Variants in NETO2 observed in about 807,000 individuals in gnomAD.
NETO2 encodes the protein neuropilin and tolloid like 2.
NETO2 carries 28 observed loss-of-function variants against 62.5 expected under a neutral mutation model. That is an observed-to-expected ratio of 0.45 (90% CI 0.33 to 0.61). The LOEUF (loss-of-function observed/expected upper bound fraction) is 0.61. NETO2 is among the 20% of genes least tolerant of loss of function. The pLI, the probability that NETO2 is intolerant of heterozygous loss-of-function variation, is 0.02. For synonymous variants in NETO2, 214 were observed against 219.1 expected, an observed-to-expected ratio of 0.98 and a Z score of 0.21; for missense variants, 548 against 643.2, an observed-to-expected ratio of 0.85 and a Z score of 1.60.
At chr16:47,115,567 G>A (rs1016134884) in intron 6 of NETO2, among the ~76,000 whole-genome samples, 2 of 148,876 alleles carry the variant, frequency 1.3e-5, no homozygotes, top group African/African-American at 5.0e-5. Context: ...TCAGTTTGTT[G>A]TCCAGGCTGG....
intron 6 of NETO2, among the ~76,000 whole-genome samples, chr16:47,116,590 T>C (rs1236221510): frequency 6.6e-6 from 1 of 152,218 alleles, no homozygotes; most frequent in Non-Finnish European, 1.5e-5. Context: ...TTCCTTATAA[T>C]GTCTCTTTGT....
At chr16:47,094,170 G>A (rs1254030427) in intron 7 of NETO2, among the ~76,000 whole-genome samples, 1 of 151,302 alleles carries the variant, frequency 6.6e-6, no homozygotes, top group African/African-American at 2.4e-5. Context: ...TGGTATTTTG[G>A]AAAGCAGATT....
chr16:47,128,066 T>C (rs1964191812), intron 4 of NETO2, among the ~76,000 whole-genome samples: 1 of 152,252 alleles, frequency 6.6e-6, no homozygotes, highest in Non-Finnish European at 1.5e-5. Flanking sequence ...AGCCTGAGCA[T>C]GTGCTATAAG....
At position 47,083,484 on chromosome 16, in the gene NETO2, G is replaced by T. The variant is rs778818619; in HGVS notation, c.1315C>A (p.His439Asn). Residue 439 changes from histidine (H) to asparagine (N), a missense_variant, in exon 9 of 9, where the codon CAC becomes AAC. Transcript: ENST00000562435. ...ACGCTGGAGGCCTGCGACCCACAGT[G>T]GTGGTCGTGGATGCAGCGGGAGGCG... ...STASRCIHDHHCGSQASSVKQ... is the reference protein window; with the variant it reads ...STASRCIHDHNCGSQASSVKQ... 1 of 1,614,248 alleles carries T rather than the reference G, an allele frequency of 6.2e-7. No individual in the cohort carries two copies. The highest frequency in any genetic ancestry group is 2.2e-5 in the East Asian group (1 of 44,884).
At chr16:47,098,613 T>C (rs570526868) in intron 7 of NETO2, among the ~76,000 whole-genome samples, 12 of 152,266 alleles carry the variant, frequency 7.9e-5, no homozygotes, top group Non-Finnish European at 1.0e-4. Flanking sequence ...TTCAGGATAT[T>C]ATCCAAGAGA....
intron 7 of NETO2, among the ~76,000 whole-genome samples, chr16:47,090,916 T>G (rs1387737494): frequency 6.6e-6 from 1 of 152,206 alleles, no homozygotes; most frequent in African/African-American, 2.4e-5. Context: ...AGGCATGAAC[T>G]GAATCTCTCA....
Position 47,080,235 on chromosome 16 carries a change from T to TG in NETO2, c.*2985dup, listed in dbSNP as rs1475155873. On this transcript the variant is annotated 3_prime_UTR_variant, in exon 9 of 9. Coordinates refer to ENST00000562435, the MANE Select transcript of NETO2 (RefSeq NM_018092.5). The stretch of plus-strand genomic sequence containing the variant: ...TTCCTGCAATAGATCTGTGGGCATT[T>TG]GGGGGATGATGCGGTGAATTGCAGA... 1 of 152,228 alleles carries TG rather than the reference T, an allele frequency of 6.6e-6. No homozygotes were observed. Among genetic ancestry groups the TG allele is most frequent in the Non-Finnish European group, 1.5e-5 (1 of 68,042 alleles). 9.4% of individuals were successfully genotyped at this position (152,228 alleles called of 1,614,324 possible). A position where few individuals can be genotyped will look rare whatever the true frequency, so the allele number is the denominator to read the frequency against.
chr16:47,099,261 TAA>T (rs1567383848), intron 7 of NETO2, among the ~76,000 whole-genome samples: 2 of 152,192 alleles, frequency 1.3e-5, no homozygotes, highest in African/African-American at 4.8e-5. Context: ...AAGCAAATGC[TAA>T]GAGACTCTGT....
At chr16:47,092,471 TG>T (rs1351152274) in intron 7 of NETO2, among the ~76,000 whole-genome samples, 6 of 152,158 alleles carry the variant, frequency 3.9e-5, no homozygotes, top group African/African-American at 1.4e-4. Flanking sequence ...CTCTGACATC[TG>T]GGAGGCGTTT....
Position 47,083,617 on chromosome 16 carries a change from A to G in NETO2, c.1182T>C (p.Asp394=). ...GTGAAAACAGTTCATAATGAGGAGGATCAAACACTTCTTGGAACCCGGTTT... is the reference window on the plus strand; with the variant it reads ...GTGAAAACAGTTCATAATGAGGAGGGTCAAACACTTCTTGGAACCCGGTTT... ...FNKTGFQEVF[D]PPHYELFSLR... is the part of the protein sequence containing the mutation. Residue 394 remains aspartate, a synonymous_variant, in exon 9 of 9, where the codon GAT becomes GAC. Transcript: ENST00000562435. 6.2e-7 allele frequency: 1 copy of G among 1,614,206 alleles called. No homozygotes were observed. The highest frequency in any genetic ancestry group is 8.5e-7 in the Non-Finnish European group (1 of 1,180,036).
intron 6 of NETO2, among the ~76,000 whole-genome samples, chr16:47,120,850 T>C (rs950227706): frequency 2.0e-5 from 3 of 152,170 alleles, no homozygotes; most frequent in Admixed American, 2.0e-4. Flanking sequence ...TTTTTCCTGC[T>C]TGGGAGTCAC....
chr16:47,125,841 C>A (rs1042909938), intron 4 of NETO2, among the ~76,000 whole-genome samples: 1 of 152,192 alleles, frequency 6.6e-6, no homozygotes, highest in African/African-American at 2.4e-5. Flanking sequence ...CACGTGTGCA[C>A]CACACGCCTG....
Position 47,129,307 on chromosome 16 carries a change from C to G in NETO2, c.149G>C (p.Arg50Pro). 6 of 1,613,982 alleles carry G rather than the reference C, an allele frequency of 3.7e-6. No homozygotes were observed. Among genetic ancestry groups the G allele is most frequent in the Non-Finnish European group, 5.1e-6 (6 of 1,179,896 alleles). The change falls in exon 3 of 9, where the codon CGA (arginine) becomes CCA (proline). Residue 50 changes from arginine to proline, a missense_variant. Physicochemically the swap from Arg to Pro is moderately radical, Grantham distance 103. Transcript: ENST00000562435. Reference protein sequence around the residue: ...IPATQCGIWVRTSNGGHFASP... With the variant: ...IPATQCGIWVPTSNGGHFASP... ...AGCAAAATGACCTCCATTGCTGGTT[C>G]GAACCCAAATGCCACACTGGGTTGC...
At position 47,138,256 on chromosome 16, in the gene NETO2, C is replaced by T. The variant is rs186669860; in HGVS notation, c.34+5323G>A. On this transcript the variant is annotated intron_variant, in intron 1 of 8. Coordinates refer to ENST00000562435, the MANE Select transcript of NETO2 (RefSeq NM_018092.5). ...CTCTAATAAAAATACAAAAATTAGC[C>T]GGGCATGGTGGCACACGCCTGTAGT... 7.2e-5 allele frequency among the ~76,000 whole-genome samples: 11 copies of T among 152,128 alleles called. No individual in the cohort carries two copies. The East Asian group carries it at 9.7e-4, about 13-fold the overall frequency.
In NETO2 at chr16:47,128,552, T is replaced by C. The variant is rs747647257; in HGVS notation, c.254A>G (p.Glu85Gly). The C allele has an allele frequency of 6.2e-7, 1 of 1,612,776 alleles. No homozygotes were observed. The highest frequency in any genetic ancestry group is 8.5e-7 in the Non-Finnish European group (1 of 1,179,786). Reference sequence around the variant, plus strand: ...ATAATAATGTTCATCAAAGGTCAACTCTATTCTTTGACGTGGAGCAGCTAG... The same window carrying C: ...ATAATAATGTTCATCAAAGGTCAACCCTATTCTTTGACGTGGAGCAGCTAG... ...ILEAAPRQRI[E>G]LTFDEHYYIE... Residue 85 changes from glutamate (E) to glycine (G), a missense_variant, in exon 4 of 9, where the codon GAG becomes GGG. Glu to Gly is a moderately conservative substitution (Grantham distance 98). Transcript: ENST00000562435.
intron 1 of NETO2, among the ~76,000 whole-genome samples, chr16:47,134,146 A>G (rs1167755521): frequency 6.6e-6 from 1 of 152,148 alleles, no homozygotes; most frequent in Non-Finnish European, 1.5e-5. Context: ...ACCACTGTTC[A>G]CTCAATAGCA....
In NETO2 at chr16:47,083,670, CCTT is replaced by C; in HGVS notation, c.1126_1128del (p.Lys376del). On this transcript the variant is annotated inframe_deletion, in exon 9 of 9. Coordinates refer to ENST00000562435, the MANE Select transcript of NETO2 (RefSeq NM_018092.5). ...TTAAAAGCGGTTTTGCAAGCCATGA[CCTT>C]TTTTCGAGGCTGTTTCACTTGTACT... is the stretch of plus-strand genomic sequence containing the variant. 1 of 1,614,148 alleles carries C rather than the reference CCTT, an allele frequency of 6.2e-7. No homozygotes were observed. The highest frequency in any genetic ancestry group is 8.5e-7 in the Non-Finnish European group (1 of 1,180,034).
intron 1 of NETO2, among the ~76,000 whole-genome samples, chr16:47,136,142 A>G (rs1964358389): frequency 6.6e-6 from 1 of 152,204 alleles, no homozygotes; most frequent in Non-Finnish European, 1.5e-5. Flanking sequence ...CTGGCCAAAG[A>G]AAATTTAGAA....
intron 1 of NETO2, among the ~76,000 whole-genome samples, chr16:47,138,757 G>A (rs929147613): frequency 5.9e-5 from 9 of 152,154 alleles, no homozygotes; most frequent in South Asian, 2.1e-4. Flanking sequence ...TCTTCCAGTA[G>A]AGTCCCATTA....
Sources: allele counts gnomAD v4.1 joint callset (sites outside exome capture counted in the v4.1 genomes callset), GRCh38; gene constraint gnomAD v4.1.1; transcripts MANE v1.5; gene names NCBI Gene and HGNC (gene_info 2026-07-23, HGNC 2026-07-21).